TNRC6B: variants seen among roughly 807,000 people sequenced by gnomAD.
TNRC6B encodes the protein trinucleotide repeat-containing gene 6B protein.
In TNRC6B, 52 loss-of-function variants were observed where a neutral mutation model predicts 203.6. The ratio of observed to expected loss-of-function variants is 0.26; its 90% CI spans 0.20 to 0.32. The LOEUF (loss-of-function observed/expected upper bound fraction) is 0.32. Among genes scored for constraint, TNRC6B ranks in the 10% least tolerant of loss-of-function variants. The pLI, the probability that TNRC6B is intolerant of heterozygous loss-of-function variation, is 1.00. For missense variants in TNRC6B, 1,923 were observed against 2,286.2 expected (o/e 0.84, Z 3.24); for synonymous variants, 838 against 845.7 (o/e 0.99, Z 0.16).
chr22:40,188,315 C>T (rs1312411270), intron 1 of TNRC6B, among the ~76,000 whole-genome samples: 1 of 152,200 alleles, frequency 6.6e-6, no homozygotes, highest in African/African-American at 2.4e-5. Flanking sequence ...TACATGATTT[C>T]ATTTCAGTTG....
At chr22:40,085,154 A>G (rs1042137123) in intron 1 of TNRC6B, among the ~76,000 whole-genome samples, 2 of 152,216 alleles carry the variant, frequency 1.3e-5, no homozygotes, top group Non-Finnish European at 2.9e-5. Flanking sequence ...CCATGTGAGC[A>G]CTTTGTTTTG....
At chr22:40,189,191 G>A (rs140369011) in intron 1 of TNRC6B, among the ~76,000 whole-genome samples, 2 of 152,254 alleles carry the variant, frequency 1.3e-5, no homozygotes, top group East Asian at 3.9e-4. Flanking sequence ...TGATCAAACC[G>A]AATTGGCCAT....
chr22:40,078,946 A>G (rs1254160295), intron 1 of TNRC6B, among the ~76,000 whole-genome samples: 1 of 151,090 alleles, frequency 6.6e-6, no homozygotes, highest in Non-Finnish European at 1.5e-5. Context: ...TGGTGGTGGG[A>G]GCCTATAATC....
At chr22:40,080,106 T>TC (rs892592436) in intron 1 of TNRC6B, among the ~76,000 whole-genome samples, 5 of 148,804 alleles carry the variant, frequency 3.4e-5, no homozygotes, top group African/African-American at 7.5e-5. Flanking sequence ...TTTTTTTTTT[T>TC]TTTTTTTGTG....
intron 1 of TNRC6B, among the ~76,000 whole-genome samples, chr22:40,057,090 T>C (rs1406224515): frequency 6.6e-6 from 1 of 152,144 alleles, no homozygotes; most frequent in Non-Finnish European, 1.5e-5. Context: ...GGTTTGCACA[T>C]AGTAGGTGTA....
intron 4 of TNRC6B, among the ~76,000 whole-genome samples, chr22:40,170,567 T>A (rs1181526205): frequency 1.3e-5 from 1 of 75,622 alleles, no homozygotes; most frequent in Non-Finnish European, 2.2e-5. Flanking sequence ...TTTATATATA[T>A]TATATATATA....
In TNRC6B at chr22:40,329,114, G is replaced by A. The variant is rs750895686; in HGVS notation, c.*5873G>A. Reference sequence around the variant, plus strand: ...GACAACTAAAGCCGCGTGATGATGCGGATGAAAATATTCTGGTCTGTGTGT... The same window carrying A: ...GACAACTAAAGCCGCGTGATGATGCAGATGAAAATATTCTGGTCTGTGTGT... On this transcript the variant is annotated 3_prime_UTR_variant, in exon 23 of 23. Transcript: ENST00000454349. 11 of 152,236 alleles carry A rather than the reference G, an allele frequency of 7.2e-5. No individual in the cohort carries two copies. The highest frequency in any genetic ancestry group is 1.0e-4 in the Non-Finnish European group (7 of 68,034). 9.4% of individuals were successfully genotyped at this position (152,236 alleles called of 1,614,324 possible).
intron 12 of TNRC6B, among the ~76,000 whole-genome samples, chr22:40,289,813 G>C (rs1333835598): frequency 6.6e-6 from 1 of 152,184 alleles, no homozygotes; most frequent in Non-Finnish European, 1.5e-5. Context: ...CTCATAGGTT[G>C]CCTTACAGGT....
chr22:40,095,826 G>T (rs1333311180), intron 1 of TNRC6B, among the ~76,000 whole-genome samples: 2 of 151,744 alleles, frequency 1.3e-5, no homozygotes, highest in African/African-American at 2.4e-5. Flanking sequence ...ATACAGAAAT[G>T]AATAAGGTAC....
rs6147625 is a variant in TNRC6B, at chr22:40,097,669, T to TACACACAC, written c.-120-19347_-120-19340dup. On this transcript the variant is annotated intron_variant, in intron 1 of 23. Transcript: ENST00000301923. ...TTTCTCCATGCTTTCAGGTATATCA[T>TACACACAC]ACACACACACACACACACACACACA... is the stretch of plus-strand genomic sequence containing the variant. 3.0e-3 allele frequency among the ~76,000 whole-genome samples: 401 copies of TACACACAC among 135,632 alleles called. 6 individuals are homozygous for TACACACAC. Among genetic ancestry groups the TACACACAC allele is most frequent in the South Asian group, 5.8e-3 (24 of 4,138 alleles). The allele number at this position is 135,632 out of a possible 152,430, so 89.0% of individuals were successfully genotyped here.
At chr22:40,051,206 T>G (rs1212782003) in intron 1 of TNRC6B, among the ~76,000 whole-genome samples, 1 of 152,178 alleles carries the variant, frequency 6.6e-6, no homozygotes, top group Admixed American at 6.5e-5. Context: ...CTTGCCACAG[T>G]GAGATAGATT....
At chr22:40,277,391 A>G (rs1415694437) in intron 8 of TNRC6B, among the ~76,000 whole-genome samples, 4 of 152,196 alleles carry the variant, frequency 2.6e-5, no homozygotes, top group Admixed American at 2.6e-4. Flanking sequence ...CCTTAGGAGG[A>G]TAGAGAAGAA....
chr22:40,106,318 C>A, intron 1 of TNRC6B: 2 of 814,684 alleles, frequency 2.5e-6, no homozygotes, highest in Non-Finnish European at 4.1e-6. Context: ...TGGTAGACAC[C>A]TTAGTTTATT....
chr22:40,064,314 G>A (rs760989224), intron 1 of TNRC6B, among the ~76,000 whole-genome samples: 1 of 151,028 alleles, frequency 6.6e-6, no homozygotes, highest in Non-Finnish European at 1.5e-5. Context: ...TCTTGTTTTT[G>A]GTCTCAGGGG....
intron 3 of TNRC6B, among the ~76,000 whole-genome samples, chr22:40,138,932 C>G (rs1444963302): frequency 6.6e-6 from 1 of 152,134 alleles, no homozygotes; most frequent in Non-Finnish European, 1.5e-5. Context: ...TCCTTTTCAG[C>G]AGCTTTATTA....
intron 17 of TNRC6B, among the ~76,000 whole-genome samples, chr22:40,312,176 A>T (rs531779573): frequency 1.5e-4 from 23 of 152,322 alleles, no homozygotes; most frequent in Admixed American, 1.3e-3. Flanking sequence ...TGCTGGGATG[A>T]TTCTTGTGAA....
At chr22:40,137,665 A>G (rs768867932) in intron 3 of TNRC6B, among the ~76,000 whole-genome samples, 21 of 152,072 alleles carry the variant, frequency 1.4e-4, no homozygotes, top group Non-Finnish European at 2.1e-4. Context: ...CAGGGGAGAA[A>G]CCTGATGATC....
intron 11 of TNRC6B, 65 bp from the exon 12 acceptor site, chr22:40,285,580 A>G: frequency 6.4e-7 from 1 of 1,569,634 alleles, no homozygotes; most frequent in Non-Finnish European, 8.6e-7. Flanking sequence ...AAAAGACCAG[A>G]ACTGTTTCTT....
intron 12 of TNRC6B, among the ~76,000 whole-genome samples, chr22:40,296,606 A>C (rs1017917125): frequency 6.7e-6 from 1 of 150,088 alleles, no homozygotes; most frequent in African/African-American, 2.5e-5. Flanking sequence ...TGCTGGGATT[A>C]CAGGCGTGAG....
Sources: allele counts gnomAD v4.1 joint callset (sites outside exome capture counted in the v4.1 genomes callset), GRCh38; gene constraint gnomAD v4.1.1; transcripts MANE v1.5; gene names NCBI Gene and HGNC (gene_info 2026-07-23, HGNC 2026-07-21).